NEDD9: variants seen among roughly 807,000 people sequenced by gnomAD.
NEDD9 encodes neural precursor cell expressed, developmentally down-regulated 9.
NEDD9 carries 26 observed loss-of-function variants against 76.6 expected under a neutral mutation model. The ratio of observed to expected loss-of-function variants is 0.34; its 90% CI spans 0.25 to 0.47. The LOEUF (loss-of-function observed/expected upper bound fraction) is 0.47, where lower values mean the gene tolerates loss of function less well. Ranked by LOEUF, NEDD9 falls within the 20% of genes least tolerant of loss-of-function variation. The pLI, the probability that NEDD9 is intolerant of heterozygous loss-of-function variation, is 1.00. For synonymous variants in NEDD9, 392 were observed against 414.2 expected (o/e 0.95, Z 0.65); for missense variants, 937 against 1,058.5 (o/e 0.89, Z 1.59).
Position 11,244,287 on chromosome 6 carries a change from G to T in NEDD9, c.13-30560C>A, listed in dbSNP as rs540153960. The stretch of plus-strand genomic sequence containing the variant: ...CACACACACACACACGTGTGTGCAC[G>T]CACACACACACATAGATACACACAT... On this transcript the variant is annotated intron_variant, in intron 3 of 3. Transcript: ENST00000397378. Among the ~76,000 whole-genome samples, 5 of 151,424 alleles carry T rather than the reference G, an allele frequency of 3.3e-5. No homozygotes were observed. The South Asian group carries it at 1.0e-3, about 32-fold the overall frequency.
chr6:11,226,720 T>C (rs1250210593), intron 1 of NEDD9, among the ~76,000 whole-genome samples: 1 of 152,248 alleles, frequency 6.6e-6, no homozygotes, highest in African/African-American at 2.4e-5. Context: ...TTTAAACACT[T>C]TTATCTATAT....
chr6:11,341,079 C>G (rs753878411), intron 1 of NEDD9, among the ~76,000 whole-genome samples: 3 of 152,170 alleles, frequency 2.0e-5, no homozygotes, highest in Non-Finnish European at 4.4e-5. Flanking sequence ...TTAGTTATCC[C>G]ACAATCTTCT....
At chr6:11,336,949 G>A (rs751465396) in intron 1 of NEDD9, among the ~76,000 whole-genome samples, 3 of 152,080 alleles carry the variant, frequency 2.0e-5, no homozygotes, top group Non-Finnish European at 2.9e-5. Context: ...GGCTGGGCGC[G>A]GTGGCTCACA....
At chr6:11,350,697 G>A (rs558605548) in intron 1 of NEDD9, among the ~76,000 whole-genome samples, 1 of 152,334 alleles carries the variant, frequency 6.6e-6, no homozygotes, top group South Asian at 2.1e-4. Flanking sequence ...CCTACTTAGT[G>A]CCAGAGGTCA....
intron 3 of NEDD9, among the ~76,000 whole-genome samples, chr6:11,304,461 T>C (rs906355928): frequency 6.6e-6 from 1 of 152,204 alleles, no homozygotes; most frequent in Non-Finnish European, 1.5e-5. Flanking sequence ...ACTGGGTATA[T>C]ACCCAAAGGA....
intron 1 of NEDD9, among the ~76,000 whole-genome samples, chr6:11,374,378 A>T (rs1449261612): frequency 6.6e-6 from 1 of 152,196 alleles, no homozygotes; most frequent in Non-Finnish European, 1.5e-5. Flanking sequence ...AGGACACTGT[A>T]CTTGCTAAAG....
chr6:11,318,437 G>T (rs1008006420), intron 2 of NEDD9, among the ~76,000 whole-genome samples: 1 of 152,134 alleles, frequency 6.6e-6, no homozygotes, highest in Non-Finnish European at 1.5e-5. Flanking sequence ...TGGGGAGACG[G>T]CGGGTCACTG....
At chr6:11,316,111 G>T (rs1761548239) in intron 2 of NEDD9, among the ~76,000 whole-genome samples, 1 of 152,146 alleles carries the variant, frequency 6.6e-6, no homozygotes, top group Non-Finnish European at 1.5e-5. Context: ...AGCACTCTTG[G>T]ATGCTGACTA....
intron 3 of NEDD9, among the ~76,000 whole-genome samples, chr6:11,242,733 G>GT (rs999603277): frequency 5.5e-5 from 8 of 145,622 alleles, no homozygotes; most frequent in African/African-American, 1.9e-4. Flanking sequence ...CTCTCTGCAA[G>GT]TAAGTTCTGG....
chr6:11,380,213 G>T (rs1393673958), intron 1 of NEDD9, among the ~76,000 whole-genome samples: 1 of 152,252 alleles, frequency 6.6e-6, no homozygotes, highest in Non-Finnish European at 1.5e-5. Context: ...AACTCTTTAA[G>T]TACCTACAGT....
chr6:11,306,151 T>A (rs1285915220), exon 3 of NEDD9: 9 of 911,248 alleles, frequency 9.9e-6, no homozygotes, highest in Admixed American at 4.0e-5. Flanking sequence ...CACAGCTTAC[T>A]GAATCTGAAA....
Position 11,188,292 on chromosome 6 carries a change from C to G in NEDD9, c.1921G>C (p.Glu641Gln), listed in dbSNP as rs1409955441. ...TCCAATAGCTCTTTCTGTTGCCTCT[C>G]AAACTCCTCCTTACCCTGTTAATTT... ...YVHLQGKEEFERQQKELLEKE... is the reference protein window; with the variant it reads ...YVHLQGKEEFQRQQKELLEKE... The change falls in exon 6 of 7, where the codon GAG (glutamate) becomes CAG (glutamine). Residue 641 changes from glutamate (E) to glutamine (Q), a missense_variant. Coordinates refer to ENST00000379446, the MANE Select transcript of NEDD9 (RefSeq NM_006403.4). 1 of 1,613,748 alleles carries G rather than the reference C, an allele frequency of 6.2e-7. No homozygotes were observed. The highest frequency in any genetic ancestry group is 2.2e-5 in the East Asian group (1 of 44,866).
intron 1 of NEDD9, among the ~76,000 whole-genome samples, chr6:11,356,716 C>A (rs1185562134): frequency 2.0e-5 from 3 of 150,466 alleles, no homozygotes; most frequent in African/African-American, 7.4e-5. Context: ...TCGTTGGCAT[C>A]ATCATAACCC....
intron 2 of NEDD9, among the ~76,000 whole-genome samples, chr6:11,312,114 C>T (rs1716324170): frequency 6.6e-6 from 1 of 152,076 alleles, no homozygotes; most frequent in Non-Finnish European, 1.5e-5. Flanking sequence ...TTCAGGACTC[C>T]TGAACCTGTC....
chr6:11,354,628 A>T (rs1047867532), intron 1 of NEDD9, among the ~76,000 whole-genome samples: 1 of 152,118 alleles, frequency 6.6e-6, no homozygotes, highest in African/African-American at 2.4e-5. Flanking sequence ...GTTTTCACCT[A>T]CCCAGCATCT....
chr6:11,334,535 A>G (rs993823572), exon 2 of NEDD9: 5 of 152,156 alleles, frequency 3.3e-5, no homozygotes, highest in African/African-American at 1.2e-4. Flanking sequence ...CTTTCTCTTC[A>G]GTTTCTTTCC....
At chr6:11,199,890 A>C (rs183615868) in intron 2 of NEDD9, 1 of 153,466 alleles carries the variant, frequency 6.5e-6, no homozygotes, top group African/African-American at 2.4e-5. Flanking sequence ...AGCCAGGACG[A>C]TCTCGATCTC....
intron 2 of NEDD9, among the ~76,000 whole-genome samples, chr6:11,197,626 C>T (rs1758324261): frequency 6.6e-6 from 1 of 152,124 alleles, no homozygotes; most frequent in East Asian, 1.9e-4. Context: ...ATCTCCAAGT[C>T]TGGGTCCTGG....
At chr6:11,332,388 A>G (rs138298359) in intron 2 of NEDD9, among the ~76,000 whole-genome samples, 1 of 152,282 alleles carries the variant, frequency 6.6e-6, no homozygotes, top group Non-Finnish European at 1.5e-5. Context: ...AATCCTTAAA[A>G]TTCATCAATG....
Sources: allele counts gnomAD v4.1 joint callset (sites outside exome capture counted in the v4.1 genomes callset), GRCh38; gene constraint gnomAD v4.1.1; transcripts MANE v1.5; gene names NCBI Gene and HGNC (gene_info 2026-07-23, HGNC 2026-07-21).